The following PHKB variants were observed in gnomAD, a reference collection of about 807,000 sequenced individuals.
PHKB encodes the protein phosphorylase b kinase regulatory subunit beta.
A neutral mutation model predicts 152.1 loss-of-function variants in PHKB; 122 were observed. The observed-to-expected ratio is 0.80, with a 90% CI of 0.69 to 0.93. The LOEUF is 0.93. Among genes scored for constraint, PHKB ranks in the 40% least tolerant of loss-of-function variants. The pLI, the probability that PHKB is intolerant of heterozygous loss-of-function variation, is 0.00. For missense variants in PHKB, 1,304 were observed against 1,328.4 expected (o/e 0.98, Z 0.29); for synonymous variants, 436 against 464.9 (o/e 0.94, Z 0.80).
chr16:47,638,168 G>A (rs979754840), intron 14 of PHKB, among the ~76,000 whole-genome samples: 2 of 152,126 alleles, frequency 1.3e-5, no homozygotes, highest in Admixed American at 1.3e-4. Flanking sequence ...GTCACCTGAG[G>A]ATGTCTTTAA....
At chr16:47,641,960 C>A (rs932642086) in intron 16 of PHKB, among the ~76,000 whole-genome samples, 1 of 152,020 alleles carries the variant, frequency 6.6e-6, no homozygotes, top group Non-Finnish European at 1.5e-5. Flanking sequence ...AACTCTATTA[C>A]TAACCTAGGC....
chr16:47,694,542 A>G (rs1974115778), intron 28 of PHKB, among the ~76,000 whole-genome samples: 1 of 152,118 alleles, frequency 6.6e-6, no homozygotes, highest in Non-Finnish European at 1.5e-5. Context: ...ACCCTTTTAA[A>G]CCTTTCAAAG....
intron 24 of PHKB, 192 bp downstream of exon 24, chr16:47,663,926 G>C (rs1269553514): frequency 1.6e-6 from 1 of 626,190 alleles, no homozygotes; most frequent in East Asian, 2.8e-5. Context: ...AAAATTCTGA[G>C]AACAAAGACA....
At chr16:47,525,719 TG>T (rs1970754784) in intron 6 of PHKB, among the ~76,000 whole-genome samples, 1 of 152,202 alleles carries the variant, frequency 6.6e-6, no homozygotes, top group Non-Finnish European at 1.5e-5. Flanking sequence ...TTAAGTGAAA[TG>T]CCCAACTCTT....
Position 47,681,532 on chromosome 16 carries a change from C to T in PHKB, c.2631-7509C>T, listed in dbSNP as rs375558198. ...CCCTTTACCATTATGTAATGGCGTT[C>T]TTTGTCTCTTTTGATCTTTGTTGGT... On this transcript the variant is annotated intron_variant, in intron 26 of 30. Transcript: ENST00000323584. 5.3e-5 allele frequency among the ~76,000 whole-genome samples: 8 copies of T among 151,732 alleles called. No homozygotes were observed. The East Asian group carries it at 1.6e-3, about 29-fold the overall frequency.
At chr16:47,495,500 A>G (rs1204577704) in intron 1 of PHKB, among the ~76,000 whole-genome samples, 1 of 152,118 alleles carries the variant, frequency 6.6e-6, no homozygotes, top group African/African-American at 2.4e-5. Context: ...TAAAAACAGA[A>G]ATGTTACCCG....
At chr16:47,605,144 G>A (rs961004406) in intron 13 of PHKB, among the ~76,000 whole-genome samples, 5 of 152,114 alleles carry the variant, frequency 3.3e-5, no homozygotes, top group Non-Finnish European at 5.9e-5. Flanking sequence ...AATGATTATG[G>A]CAATTAGTGT....
chr16:47,564,420 A>C (rs1038064974), intron 7 of PHKB, among the ~76,000 whole-genome samples: 2 of 152,066 alleles, frequency 1.3e-5, no homozygotes, highest in Non-Finnish European at 2.9e-5. Context: ...CATTTCCCTG[A>C]TGATTACTGA....
chr16:47,550,679 G>T (rs1447996707), intron 7 of PHKB, among the ~76,000 whole-genome samples: 3 of 152,132 alleles, frequency 2.0e-5, no homozygotes, highest in Non-Finnish European at 4.4e-5. Context: ...GCTTTTGTTG[G>T]TTGGTAGGCT....
Position 47,501,868 on chromosome 16 carries a change from C to G in PHKB, c.306-1123C>G, listed in dbSNP as rs1481665650. On this transcript the variant is annotated intron_variant, in intron 3 of 30. Coordinates refer to ENST00000323584, the MANE Select transcript of PHKB (RefSeq NM_000293.3). ...GACTTTAAAGTCCTCATTTTGCAGG[C>G]ACACTATCTATGTAGAATATGCCTC... 2.0e-5 allele frequency among the ~76,000 whole-genome samples: 3 copies of G among 152,148 alleles called. No individual in the cohort carries two copies. The East Asian group carries it at 5.8e-4, about 29-fold the overall frequency.
intron 6 of PHKB, among the ~76,000 whole-genome samples, chr16:47,539,659 G>A (rs1030249550): frequency 6.6e-6 from 1 of 152,078 alleles, no homozygotes; most frequent in African/African-American, 2.4e-5. Context: ...TATAATAATT[G>A]TTGCAGGAAG....
chr16:47,524,861 G>A (rs1271845006), intron 6 of PHKB, among the ~76,000 whole-genome samples: 1 of 151,980 alleles, frequency 6.6e-6, no homozygotes, highest in Admixed American at 6.6e-5. Flanking sequence ...GTCTTAAAAG[G>A]GAACACTTTA....
intron 7 of PHKB, among the ~76,000 whole-genome samples, chr16:47,570,425 G>A (rs1469028387): frequency 6.6e-6 from 1 of 152,168 alleles, no homozygotes; most frequent in Non-Finnish European, 1.5e-5. Context: ...TTGATTCTTA[G>A]ATTTGGATGT....
At chr16:47,470,118 T>G (rs1238241128) in intron 1 of PHKB, among the ~76,000 whole-genome samples, 1 of 152,110 alleles carries the variant, frequency 6.6e-6, no homozygotes, top group African/African-American at 2.4e-5. Flanking sequence ...GCTAGAGGAA[T>G]TAAAGACACA....
In PHKB at chr16:47,499,872, T is replaced by C. The variant is rs1219338710; in HGVS notation, c.283T>C (p.Trp95Arg). 6.2e-7 allele frequency: 1 copy of C among 1,614,158 alleles called. No individual in the cohort carries two copies. Among genetic ancestry groups the C allele is most frequent in the Admixed American group, 1.7e-5 (1 of 60,014 alleles). ...CAGCCTATACTGCGCTGCTGGGGCC[T>C]GGGCTTTGGCTCTTGCATACAGGTG... is the stretch of plus-strand genomic sequence containing the variant. Reference protein sequence around the residue: ...QDSLYCAAGAWALALAYRRID... With the variant: ...QDSLYCAAGARALALAYRRID... Residue 95 changes from tryptophan to arginine, a missense_variant, in exon 3 of 31, where the codon TGG becomes CGG. Transcript: ENST00000323584.
At chr16:47,660,930 G>A in intron 22 of PHKB, 111 bp downstream of exon 22, 1 of 1,066,070 alleles carries the variant, frequency 9.4e-7, no homozygotes, top group Non-Finnish European at 1.4e-6. Flanking sequence ...CAATTAATCT[G>A]GAGGTGGATG....
At chr16:47,676,202 TG>T (rs1169611779) in intron 26 of PHKB, 2 of 152,224 alleles carry the variant, frequency 1.3e-5, no homozygotes, top group East Asian at 3.8e-4. Context: ...TATAAATTGT[TG>T]AACATGTAAC....
chr16:47,589,677 A>G (rs1442281809), intron 10 of PHKB, among the ~76,000 whole-genome samples: 1 of 152,238 alleles, frequency 6.6e-6, no homozygotes, highest in East Asian at 1.9e-4. Flanking sequence ...GTAGTTTTAT[A>G]CTAGCTGCTT....
intron 27 of PHKB, among the ~76,000 whole-genome samples, chr16:47,690,526 A>G (rs899616150): frequency 6.6e-6 from 1 of 152,226 alleles, no homozygotes; most frequent in African/African-American, 2.4e-5. Context: ...AGAATTCTTA[A>G]AAATTGAAGG....
Sources: allele counts gnomAD v4.1 joint callset (sites outside exome capture counted in the v4.1 genomes callset), GRCh38; gene constraint gnomAD v4.1.1; transcripts MANE v1.5; gene names NCBI Gene and HGNC (gene_info 2026-07-23, HGNC 2026-07-21).